CHCHD3: variants seen among roughly 807,000 people sequenced by gnomAD.
CHCHD3 encodes coiled-coil-helix-coiled-coil-helix domain containing 3.
In CHCHD3, 20 loss-of-function variants were observed where a neutral mutation model predicts 38.2. The ratio of observed to expected loss-of-function variants is 0.52; its 90% confidence interval spans 0.37 to 0.76. CHCHD3 has a LOEUF of 0.76. CHCHD3 is among the 30% of genes least tolerant of loss of function. The pLI, the probability that CHCHD3 is intolerant of heterozygous loss-of-function variation, is 0.00. For synonymous variants in CHCHD3, 82 were observed against 100.0 expected (o/e 0.82, Z 1.07); for missense variants, 245 against 279.2 (o/e 0.88, Z 0.87).
rs555019396 is a variant in CHCHD3 at position 133,024,104 on chromosome 7, C to A, written c.251+442G>T. ...TGTCTGTAACATCCTAATTTTTTTA[C>A]GTGAACAGAATAATAATTAGTGCTA... On this transcript the variant is annotated intron_variant, in intron 3 of 7. Transcript: ENST00000262570. Among the ~76,000 whole-genome samples, 4 of 152,268 alleles carry A rather than the reference C, an allele frequency of 2.6e-5. No individual in the cohort carries two copies. The East Asian group carries it at 5.8e-4, about 22-fold the overall frequency.
intron 4 of CHCHD3, among the ~76,000 whole-genome samples, chr7:132,928,039 G>A (rs561914445): frequency 2.0e-5 from 3 of 152,126 alleles, no homozygotes; most frequent in Non-Finnish European, 4.4e-5. Context: ...TTCCAGAAGA[G>A]AGTCCACTAA....
chr7:132,862,945 T>C (rs569375518), intron 5 of CHCHD3, among the ~76,000 whole-genome samples: 11 of 152,342 alleles, frequency 7.2e-5, no homozygotes, highest in African/African-American at 2.6e-4. Flanking sequence ...TCGAGTTCTG[T>C]TGCTATTTCC....
chr7:132,992,956 C>T (rs933121283), intron 3 of CHCHD3, among the ~76,000 whole-genome samples: 2 of 152,130 alleles, frequency 1.3e-5, no homozygotes, highest in African/African-American at 2.4e-5. Flanking sequence ...TCTTTTTCAC[C>T]GTAACAGCTG....
At chr7:132,970,662 A>G (rs1426970701) in intron 4 of CHCHD3, among the ~76,000 whole-genome samples, 1 of 152,214 alleles carries the variant, frequency 6.6e-6, no homozygotes, top group Non-Finnish European at 1.5e-5. Context: ...TAAATTTCAT[A>G]CAGTAAGCAC....
chr7:133,000,091 A>G (rs1812525177), intron 3 of CHCHD3, among the ~76,000 whole-genome samples: 1 of 152,188 alleles, frequency 6.6e-6, no homozygotes, highest in African/African-American at 2.4e-5. Context: ...GAGAAACAAA[A>G]CTGCTTAAAA....
chr7:132,862,175 G>A (rs1382329238), intron 5 of CHCHD3, among the ~76,000 whole-genome samples: 1 of 151,994 alleles, frequency 6.6e-6, no homozygotes. Flanking sequence ...TAAGGCAAGG[G>A]AGGGGAGGGA....
intron 6 of CHCHD3, among the ~76,000 whole-genome samples, chr7:132,834,961 T>TTTAA (rs923243906): frequency 6.7e-6 from 1 of 149,506 alleles, no homozygotes; most frequent in African/African-American, 2.5e-5. Context: ...TATTTATTTA[T>TTTAA]TTATTTATTT....
rs1258069632 is a variant in CHCHD3 at position 132,946,607 on chromosome 7, A to G, written c.369+28562T>C. Among the ~76,000 whole-genome samples the G allele has an allele frequency of 2.6e-5, 4 of 152,000 alleles. No homozygotes were observed. The East Asian group carries it at 7.7e-4, about 29-fold the overall frequency. ...AGTCTCCTAGTCTAATTTTATAAAA[A>G]TATATTCCATTTTTAATTAGAGTAT... On this transcript the variant is annotated intron_variant, in intron 4 of 7. Transcript: ENST00000262570.
chr7:132,882,073 G>C (rs951427140), intron 5 of CHCHD3, among the ~76,000 whole-genome samples: 2 of 152,232 alleles, frequency 1.3e-5, no homozygotes, highest in East Asian at 3.9e-4. Flanking sequence ...ATACACAATG[G>C]AAAGTAAGCA....
intron 2 of CHCHD3, among the ~76,000 whole-genome samples, chr7:133,043,887 C>G (rs1345462043): frequency 1.3e-5 from 2 of 152,130 alleles, no homozygotes; most frequent in Non-Finnish European, 2.9e-5. Flanking sequence ...AGACACACCC[C>G]AATGTGCTAT....
At position 132,952,512 on chromosome 7, in the gene CHCHD3, A is replaced by G. The variant is rs1811056968; in HGVS notation, c.369+22657T>C. ...GGACAAGAAGTGTATGAAAGAATCA[A>G]ATAGTAAACAATCTTGTCTAAGGAA... On this transcript the variant is annotated intron_variant, in intron 4 of 7. Coordinates refer to ENST00000262570, the MANE Select transcript of CHCHD3 (RefSeq NM_017812.4). Among the ~76,000 whole-genome samples, 5 of 152,240 alleles carry G rather than the reference A, an allele frequency of 3.3e-5. No individual in the cohort carries two copies. The South Asian group carries it at 1.0e-3, about 32-fold the overall frequency.
intron 4 of CHCHD3, among the ~76,000 whole-genome samples, chr7:132,946,239 TACAG>T (rs1160062856): frequency 2.0e-5 from 3 of 151,842 alleles, no homozygotes; most frequent in Non-Finnish European, 4.4e-5. Flanking sequence ...CACTGTTATA[TACAG>T]ACAGAGAGAA....
At chr7:132,908,415 T>C (rs1259808870) in intron 4 of CHCHD3, among the ~76,000 whole-genome samples, 1 of 152,236 alleles carries the variant, frequency 6.6e-6, no homozygotes, top group African/African-American at 2.4e-5. Flanking sequence ...TTTAAATGTC[T>C]TAATTTTAAT....
chr7:132,950,249 C>A (rs1158812938), intron 4 of CHCHD3, among the ~76,000 whole-genome samples: 1 of 152,080 alleles, frequency 6.6e-6, no homozygotes, highest in African/African-American at 2.4e-5. Context: ...CGACTACATG[C>A]TAAACCTCAG....
At chr7:132,972,501 T>C in intron 4 of CHCHD3, 1 of 820,928 alleles carries the variant, frequency 1.2e-6, no homozygotes, top group Non-Finnish European at 1.5e-6. Context: ...TTAGTATCCC[T>C]TTGTATTTAT....
intron 2 of CHCHD3, among the ~76,000 whole-genome samples, chr7:133,058,022 A>G (rs1164511241): frequency 6.6e-6 from 1 of 152,174 alleles, no homozygotes; most frequent in Non-Finnish European, 1.5e-5. Flanking sequence ...GCTCAATCCC[A>G]TCAGATTCCC....
At chr7:133,051,375 C>T (rs1259862037) in intron 2 of CHCHD3, among the ~76,000 whole-genome samples, 1 of 152,194 alleles carries the variant, frequency 6.6e-6, no homozygotes, top group East Asian at 1.9e-4. Context: ...CACAGCTGCT[C>T]TGTTAAATTT....
chr7:133,049,973 T>C (rs1285551770), intron 2 of CHCHD3, among the ~76,000 whole-genome samples: 3 of 152,204 alleles, frequency 2.0e-5, no homozygotes, highest in African/African-American at 4.8e-5. Flanking sequence ...TATCTTCCTG[T>C]CACTGTGGGC....
chr7:132,791,635 G>C (rs1563236132), intron 7 of CHCHD3, among the ~76,000 whole-genome samples: 1 of 152,168 alleles, frequency 6.6e-6, no homozygotes, highest in Admixed American at 6.5e-5. Context: ...CAGAATCCTG[G>C]TCTAATATAA....
Sources: gnomAD v4.1 joint callset for allele counts (sites outside exome capture counted in the v4.1 genomes callset) on GRCh38, gnomAD v4.1.1 for gene constraint, MANE v1.5 for transcripts, NCBI Gene and HGNC (gene_info 2026-07-23, HGNC 2026-07-21) for gene names.